MSL2: variants seen among roughly 807,000 people sequenced by gnomAD.
MSL2 encodes the protein E3 ubiquitin-protein ligase MSL2.
In MSL2, 2 loss-of-function variants were observed where a neutral mutation model predicts 35.8. That is an observed-to-expected ratio of 0.06 (90% confidence interval 0.02 to 0.18). The LOEUF is 0.18. Ranked by LOEUF, MSL2 falls within the 10% of genes least tolerant of loss-of-function variation. The probability of loss-of-function intolerance (pLI) is 1.00; values close to 1 mark genes in which losing one functional copy is unlikely to be tolerated. For missense variants in MSL2, 523 were observed against 706.7 expected, an observed-to-expected ratio of 0.74 and a Z score of 2.95; for synonymous variants, 296 against 255.7, an observed-to-expected ratio of 1.16 and a Z score of -1.50.
chr3:136,183,511 T>G (rs1410193198), intron 1 of MSL2, among the ~76,000 whole-genome samples: 1 of 152,110 alleles, frequency 6.6e-6, no homozygotes, highest in African/African-American at 2.4e-5. Flanking sequence ...AACCTCTGCC[T>G]CCTGGGCTCA....
At position 136,160,337 on chromosome 3, in the gene MSL2, AGGAGGGAGGGAGGGAGGGAGGGAG is replaced by A. The variant is rs756759457; in HGVS notation, c.143-7623_143-7600del. On this transcript the variant is annotated intron_variant, in intron 1 of 1. Coordinates refer to ENST00000309993, the MANE Select transcript of MSL2 (RefSeq NM_018133.4). ...AGGGAGGGAGGGAAGGAGGGAAGGA[AGGAGGGAGGGAGGGAGGGAGGGAG>A]GGAGGGAGGGAGGGAGATCAAAAAT... Among the ~76,000 whole-genome samples, 10 of 8,008 alleles carry A rather than the reference AGGAGGGAGGGAGGGAGGGAGGGAG, an allele frequency of 1.2e-3. 2 individuals are homozygous for A. Among genetic ancestry groups the A allele is most frequent in the Non-Finnish European group, 1.8e-3 (8 of 4,554 alleles). The allele number at this position is 8,008 out of a possible 152,430, so 5.3% of individuals were successfully genotyped here. A position where few individuals can be genotyped will look rare whatever the true frequency, so the allele number is the denominator to read the frequency against.
chr3:136,169,891 T>C (rs975874133), intron 1 of MSL2, among the ~76,000 whole-genome samples: 1 of 151,824 alleles, frequency 6.6e-6, no homozygotes, highest in Non-Finnish European at 1.5e-5. Context: ...ACCTCATCTC[T>C]ACTAAAAATA....
At chr3:136,179,348 A>T (rs895272378) in intron 1 of MSL2, among the ~76,000 whole-genome samples, 1 of 151,734 alleles carries the variant, frequency 6.6e-6, no homozygotes. Context: ...CACCATCCTT[A>T]ATGTTTTATT....
chr3:136,176,101 T>A (rs1940166091), intron 1 of MSL2, among the ~76,000 whole-genome samples: 2 of 152,208 alleles, frequency 1.3e-5, no homozygotes, highest in Non-Finnish European at 2.9e-5. Flanking sequence ...AAAAAGTTAG[T>A]ATTTATCATT....
chr3:136,173,880 C>A (rs553448688), intron 1 of MSL2, among the ~76,000 whole-genome samples: 1 of 152,340 alleles, frequency 6.6e-6, no homozygotes, highest in South Asian at 2.1e-4. Context: ...GAACTCCATA[C>A]TCCATTCTCA....
chr3:136,181,816 G>A (rs1037804191), intron 1 of MSL2, among the ~76,000 whole-genome samples: 30 of 151,972 alleles, frequency 2.0e-4, no homozygotes, highest in Non-Finnish European at 3.7e-4. Context: ...CTACTCGGGA[G>A]GCTGAGGCAG....
chr3:136,186,430 T>C (rs1367879159), intron 1 of MSL2, among the ~76,000 whole-genome samples: 3 of 152,224 alleles, frequency 2.0e-5, no homozygotes, highest in African/African-American at 7.2e-5. Context: ...GCTCCGGTCC[T>C]TGGCCTGTTA....
intron 1 of MSL2, among the ~76,000 whole-genome samples, chr3:136,161,562 T>G (rs1939708336): frequency 1.3e-5 from 2 of 152,168 alleles, no homozygotes; most frequent in African/African-American, 4.8e-5. Flanking sequence ...TGCCACAACA[T>G]GGATGAACTT....
chr3:136,157,359 T>C (rs1939564111), intron 1 of MSL2, among the ~76,000 whole-genome samples: 1 of 151,976 alleles, frequency 6.6e-6, no homozygotes, highest in Non-Finnish European at 1.5e-5. Flanking sequence ...ATACAAAAAT[T>C]ATCCAAGGGT....
chr3:136,173,167 TAAACAAAC>T (rs754150183), intron 1 of MSL2, among the ~76,000 whole-genome samples: 1 of 151,978 alleles, frequency 6.6e-6, no homozygotes, highest in East Asian at 1.9e-4. Context: ...TGTCTCAAAA[TAAACAAAC>T]AAACAAACAA....
chr3:136,182,973 A>G (rs1369467607), intron 1 of MSL2, among the ~76,000 whole-genome samples: 1 of 152,214 alleles, frequency 6.6e-6, no homozygotes, highest in African/African-American at 2.4e-5. Context: ...ACTAGTCTCT[A>G]AAAGCTGCTG....
chr3:136,195,877 G>C lies in MSL2; in HGVS notation c.-764C>G. ...CCGCCGCCGGCGGGCGGGAGGGGGCGGGGGGCAAGCCCGGCCGGGCCGCGG... is the reference window on the plus strand; with the variant it reads ...CCGCCGCCGGCGGGCGGGAGGGGGCCGGGGGCAAGCCCGGCCGGGCCGCGG... On this transcript the variant is annotated 5_prime_UTR_variant, in exon 1 of 2. Transcript: ENST00000309993. The C allele has an allele frequency of 1.1e-6, 1 of 947,232 alleles. No homozygotes were observed. The highest frequency in any genetic ancestry group is 1.3e-6 in the Non-Finnish European group (1 of 796,218). 58.7% of individuals were successfully genotyped at this position (947,232 alleles called of 1,614,324 possible).
intron 1 of MSL2, among the ~76,000 whole-genome samples, chr3:136,153,799 A>G (rs980640434): frequency 1.5e-5 from 2 of 133,538 alleles, no homozygotes; most frequent in Admixed American, 1.6e-4. Flanking sequence ...CAAAAAAAAA[A>G]AGGCCAGGTG....
In MSL2 at chr3:136,181,786, G is replaced by T. The variant is rs576620358; in HGVS notation, c.142+13186C>A. Among the ~76,000 whole-genome samples the T allele has an allele frequency of 1.1e-4, 17 of 152,150 alleles. No individual in the cohort carries two copies. In the East Asian group the frequency reaches 3.3e-3, roughly 29 times the overall value. On this transcript the variant is annotated intron_variant, in intron 1 of 1. Coordinates refer to ENST00000309993, the MANE Select transcript of MSL2 (RefSeq NM_018133.4). Reference sequence around the variant, plus strand: ...ATACAAAAACTAGCCGGGCGTGGTGGTAGACGCCTGTAATCCCAGCTACTC... The same window carrying T: ...ATACAAAAACTAGCCGGGCGTGGTGTTAGACGCCTGTAATCCCAGCTACTC...
intron 1 of MSL2, among the ~76,000 whole-genome samples, chr3:136,180,788 G>GGGAA (rs1559969192): frequency 7.5e-4 from 33 of 44,250 alleles, no homozygotes; most frequent in African/African-American, 3.1e-3. Flanking sequence ...GAGGGAGGGA[G>GGGAA]GGAGGGAGGG....
chr3:136,194,479 G>A (rs1940779189), intron 1 of MSL2: 2 of 985,842 alleles, frequency 2.0e-6, no homozygotes, highest in Non-Finnish European at 2.4e-6. Flanking sequence ...GGAGGAACCT[G>A]GGGCAAAGTT....
chr3:136,170,450 A>G (rs915629169), intron 1 of MSL2, among the ~76,000 whole-genome samples: 1 of 151,364 alleles, frequency 6.6e-6, no homozygotes, highest in African/African-American at 2.4e-5. Context: ...TTTGTTTCAA[A>G]TATACTTCAC....
At chr3:136,185,583 C>A (rs950447952) in intron 1 of MSL2, among the ~76,000 whole-genome samples, 1 of 151,486 alleles carries the variant, frequency 6.6e-6, no homozygotes, top group East Asian at 1.9e-4. Flanking sequence ...GTCGCCCAGG[C>A]TGGAGTGCAG....
rs757805663 is a variant in MSL2, at chr3:136,151,827, C to T, written c.1054G>A (p.Val352Ile). ...RSRSESDSEK[V>I]QPLPISTIIR... ...ATGGTAGAAATTGGAAGTGGCTGAA[C>T]TTTCTCACTGTCACTCTCTGATCTG... is the stretch of plus-strand genomic sequence containing the variant. The change falls in exon 2 of 2, where the codon GTT (valine) becomes ATT (isoleucine). Residue 352 changes from valine (V) to isoleucine (I), a missense_variant. Physicochemically the swap from Val to Ile is conservative, Grantham distance 29. This residue lies in a region of MSL2 where 361 missense variants were observed against 414.6 expected (regional missense o/e 0.87). Coordinates refer to ENST00000309993, the MANE Select transcript of MSL2 (RefSeq NM_018133.4). The surrounding 1 kb of genome is among the most constrained non-coding windows in gnomAD (Gnocchi z 5.2). The T allele has an allele frequency of 6.2e-7, 1 of 1,614,164 alleles. No individual in the cohort carries two copies. Among genetic ancestry groups the T allele is most frequent in the South Asian group, 1.1e-5 (1 of 91,078 alleles).
Sources: gnomAD v4.1 joint callset for allele counts (sites outside exome capture counted in the v4.1 genomes callset) on GRCh38, gnomAD v4.1.1 for gene constraint, gnomAD v4.1.1 regional missense constraint, Gnocchi (gnomAD v3.1) non-coding constraint, MANE v1.5 for transcripts, NCBI Gene and HGNC (gene_info 2026-07-23, HGNC 2026-07-21) for gene names.